Variants in SYN3 observed in about 807,000 individuals in gnomAD.
SYN3 encodes synapsin III, also known as synapsin-3.
In SYN3, 35 loss-of-function variants were observed where a neutral mutation model predicts 65.8. The observed-to-expected ratio is 0.53, with a 90% CI of 0.41 to 0.70. The LOEUF is 0.70. SYN3 is among the 30% of genes least tolerant of loss of function. SYN3 has a pLI of 0.00. For synonymous variants in SYN3, 270 were observed against 292.9 expected, an observed-to-expected ratio of 0.92 and a Z score of 0.80; for missense variants, 680 against 749.0, an observed-to-expected ratio of 0.91 and a Z score of 1.08.
intron 6 of SYN3, among the ~76,000 whole-genome samples, chr22:32,724,124 G>T (rs905042059): frequency 6.6e-6 from 1 of 152,250 alleles, no homozygotes; most frequent in African/African-American, 2.4e-5. Context: ...ATCCAGCAAG[G>T]AGTGGTGAAG....
At chr22:33,007,808 T>C (rs1459954635) in intron 1 of SYN3, among the ~76,000 whole-genome samples, 1 of 152,248 alleles carries the variant, frequency 6.6e-6, no homozygotes, top group East Asian at 1.9e-4. Flanking sequence ...CATCTATTGC[T>C]TTTCTAAACA....
intron 7 of SYN3, chr22:32,584,193 T>C (rs900103156): frequency 4.6e-5 from 7 of 152,236 alleles, no homozygotes; most frequent in African/African-American, 1.7e-4. Flanking sequence ...TTAAACTCTT[T>C]CTTTGCTGCA....
At chr22:32,841,118 A>G (rs1219792856) in intron 6 of SYN3, among the ~76,000 whole-genome samples, 2 of 152,232 alleles carry the variant, frequency 1.3e-5, no homozygotes, top group Non-Finnish European at 2.9e-5. Flanking sequence ...TATACAAGAA[A>G]TCACACGTAG....
chr22:32,663,456 G>A (rs1451866563), intron 6 of SYN3, among the ~76,000 whole-genome samples: 2 of 151,816 alleles, frequency 1.3e-5, no homozygotes, highest in African/African-American at 2.4e-5. Flanking sequence ...CCACCACCAC[G>A]CCCGGCTAAT....
At chr22:32,864,005 T>C (rs1406335515) in intron 6 of SYN3, among the ~76,000 whole-genome samples, 2 of 152,168 alleles carry the variant, frequency 1.3e-5, no homozygotes, top group African/African-American at 4.8e-5. Flanking sequence ...GGAAAGATCA[T>C]CAATAGAAAT....
intron 6 of SYN3, among the ~76,000 whole-genome samples, chr22:32,853,194 G>A (rs565858209): frequency 9.2e-5 from 14 of 152,316 alleles, no homozygotes; most frequent in African/African-American, 1.4e-4. Context: ...TGCAATGCCC[G>A]TGGTTCTTCC....
At chr22:32,707,988 A>G (rs1385654026) in intron 6 of SYN3, among the ~76,000 whole-genome samples, 3 of 152,260 alleles carry the variant, frequency 2.0e-5, no homozygotes, top group Non-Finnish European at 4.4e-5. Flanking sequence ...AGCATAGATC[A>G]GAAACTAAGA....
At chr22:32,718,907 T>G (rs1461406656) in intron 6 of SYN3, among the ~76,000 whole-genome samples, 1 of 152,192 alleles carries the variant, frequency 6.6e-6, no homozygotes, top group Non-Finnish European at 1.5e-5. Flanking sequence ...TACATCCAAC[T>G]TATTCTTTAC....
At chr22:33,002,229 T>C (rs12158631) in intron 2 of SYN3, among the ~76,000 whole-genome samples, 31,102 of 152,090 alleles carry the variant, frequency 0.2, 3,283 homozygotes, top group African/African-American at 0.21. Flanking sequence ...AGACAGGTGA[T>C]TCACATGACC....
chr22:32,615,118 C>T (rs2146709817), intron 6 of SYN3, among the ~76,000 whole-genome samples: 1 of 152,260 alleles, frequency 6.6e-6, no homozygotes, highest in African/African-American at 2.4e-5. Flanking sequence ...TCTTTGAAAG[C>T]TACAGATGGG....
chr22:32,613,349 GGAGA>G (rs2059472875), intron 6 of SYN3, among the ~76,000 whole-genome samples: 1 of 152,122 alleles, frequency 6.6e-6, no homozygotes, highest in Non-Finnish European at 1.5e-5. Flanking sequence ...CAGCAGGGTA[GGAGA>G]GAGAATTATC....
rs577378979 is a variant in SYN3 at position 32,811,773 on chromosome 22, C to T, written c.711+53142G>A. On this transcript the variant is annotated intron_variant, in intron 6 of 13. Coordinates refer to ENST00000358763, the MANE Select transcript of SYN3 (RefSeq NM_003490.4). ...CTGTGGCTTAGCCATATAGCCAATA[C>T]ATGGAATGGGATTGGAACCCATGTC... Among the ~76,000 whole-genome samples the T allele has an allele frequency of 5.7e-3, 871 of 152,258 alleles. 11 individuals carry two copies. The highest frequency in any genetic ancestry group is 0.018 in the African/African-American group (754 of 41,546).
chr22:32,651,703 C>G (rs1278459344), intron 6 of SYN3, among the ~76,000 whole-genome samples: 1 of 152,210 alleles, frequency 6.6e-6, no homozygotes, highest in Non-Finnish European at 1.5e-5. Context: ...TGTTCCTAAC[C>G]TACACCCTGC....
At chr22:32,516,068 G>A (rs1330562919) in intron 13 of SYN3, among the ~76,000 whole-genome samples, 1 of 152,250 alleles carries the variant, frequency 6.6e-6, no homozygotes, top group Non-Finnish European at 1.5e-5. Flanking sequence ...AAAGTGTTGG[G>A]ATTACAGGCA....
At position 33,009,744 on chromosome 22, in the gene SYN3, G is replaced by A. The variant is rs181909802; in HGVS notation, c.-162-2920C>T. Reference sequence around the variant, plus strand: ...ACTTTACATATCCTTTCATATATACGTATCTAAACACACACACACACACAC... The same window carrying A: ...ACTTTACATATCCTTTCATATATACATATCTAAACACACACACACACACAC... On this transcript the variant is annotated intron_variant, in intron 1 of 13. Coordinates refer to ENST00000358763, the MANE Select transcript of SYN3 (RefSeq NM_003490.4). Among the ~76,000 whole-genome samples the A allele has an allele frequency of 9.5e-4, 101 of 106,500 alleles. No individual in the cohort carries two copies. The East Asian group carries it at 0.012, about 12-fold the overall frequency. The allele number at this position is 106,500 out of a possible 152,430, so 69.9% of individuals were successfully genotyped here. A position where few individuals can be genotyped will look rare whatever the true frequency, so the allele number is the denominator to read the frequency against.
chr22:33,018,771 AC>A (rs1284727547), intron 1 of SYN3, among the ~76,000 whole-genome samples: 6 of 152,092 alleles, frequency 3.9e-5, no homozygotes, highest in African/African-American at 1.4e-4. Context: ...TTCCTTGCTC[AC>A]CCTCAGATGA....
intron 6 of SYN3, among the ~76,000 whole-genome samples, chr22:32,695,344 T>C (rs76319465): frequency 6.6e-6 from 1 of 152,362 alleles, no homozygotes; most frequent in Non-Finnish European, 1.5e-5. Context: ...CATTATCATT[T>C]TCATTTTTTC....
At chr22:32,701,118 A>G (rs1463721779) in intron 6 of SYN3, among the ~76,000 whole-genome samples, 3 of 152,354 alleles carry the variant, frequency 2.0e-5, no homozygotes, top group African/African-American at 7.2e-5. Context: ...GCCTTCTAGA[A>G]TCCACTGTTG....
intron 6 of SYN3, among the ~76,000 whole-genome samples, chr22:32,676,951 C>T (rs1188535094): frequency 6.6e-6 from 1 of 152,168 alleles, no homozygotes; most frequent in Non-Finnish European, 1.5e-5. Context: ...AATTATTCTT[C>T]CCCTTTACAG....
Sources: allele counts gnomAD v4.1 joint callset (sites outside exome capture counted in the v4.1 genomes callset), GRCh38; gene constraint gnomAD v4.1.1; transcripts MANE v1.5; gene names NCBI Gene and HGNC (gene_info 2026-07-23, HGNC 2026-07-21).